The following RBM28 variants were observed in gnomAD, a reference collection of about 807,000 sequenced individuals.
RBM28 encodes RNA-binding protein 28.
In RBM28, 78 loss-of-function variants were observed where a neutral mutation model predicts 98.3. The observed-to-expected ratio is 0.79, with a 90% CI of 0.66 to 0.96. The LOEUF is 0.96. RBM28 is among the 40% of genes least tolerant of loss of function. The pLI is 0.00. For missense variants in RBM28, 838 were observed against 913.0 expected, an observed-to-expected ratio of 0.92 and a Z score of 1.06; for synonymous variants, 306 against 330.9, an observed-to-expected ratio of 0.92 and a Z score of 0.82.
In RBM28 at chr7:128,330,733, G is replaced by A. The variant is rs1196801101; in HGVS notation, c.1129+86C>T. The A allele has an allele frequency of 5.1e-6, 5 of 972,010 alleles. No individual in the cohort carries two copies. In the African/African-American group the frequency reaches 8.0e-5, roughly 16 times the overall value. The allele number at this position is 972,010 out of a possible 1,614,324, so 60.2% of individuals were successfully genotyped here. On this transcript the variant is annotated intron_variant, in intron 10 of 18. Transcript: ENST00000223073. ...GGATGGACTGTGAACCCCTCAAAATGGCACACATTATGCTCTCGTAACCTA... is the reference window on the plus strand; with the variant it reads ...GGATGGACTGTGAACCCCTCAAAATAGCACACATTATGCTCTCGTAACCTA...
At chr7:128,333,945 CT>C (rs1451680933) in intron 8 of RBM28, among the ~76,000 whole-genome samples, 1 of 152,104 alleles carries the variant, frequency 6.6e-6, no homozygotes, top group African/African-American at 2.4e-5. Context: ...TCTGGAAATA[CT>C]GTATAGGACA....
chr7:128,315,005 T>C lies in RBM28; in HGVS notation c.1804A>G (p.Lys602Glu). The change falls in exon 17 of 19, where the codon AAG becomes GAG. Residue 602 changes from lysine (K) to glutamate (E), a missense_variant. Lys to Glu is a moderately conservative substitution (Grantham distance 56). Coordinates refer to ENST00000223073, the MANE Select transcript of RBM28 (RefSeq NM_018077.3). ...TTCTGAGGCTCACCAGTTGCAGGCTTGGATCTCATTTTTTGCTGCATAAAA... is the reference window on the plus strand; with the variant it reads ...TTCTGAGGCTCACCAGTTGCAGGCTCGGATCTCATTTTTTGCTGCATAAAA... ...IQRSLQKMRSKPATGEPQKGQ... is the reference protein window; with the variant it reads ...IQRSLQKMRSEPATGEPQKGQ... 5 of 1,614,258 alleles carry C rather than the reference T, an allele frequency of 3.1e-6. No homozygotes were observed. Among genetic ancestry groups the C allele is most frequent in the African/African-American group, 1.3e-5 (1 of 75,062 alleles).
At position 128,333,368 on chromosome 7, in the gene RBM28, G is replaced by A; in HGVS notation, c.947-6C>T. On this transcript the variant is annotated splice_region_variant and splice_polypyrimidine_tract_variant and intron_variant, in intron 8 of 18. Transcript: ENST00000223073. Reference sequence around the variant, plus strand: ...TTTGTTTGAGACTTGCACAGCTAAGGTAAAAAGAAAAACAACAAACTGAAA... The same window carrying A: ...TTTGTTTGAGACTTGCACAGCTAAGATAAAAAGAAAAACAACAAACTGAAA... The A allele has an allele frequency of 2.5e-6, 4 of 1,585,536 alleles. No individual in the cohort carries two copies. Among genetic ancestry groups the A allele is most frequent in the Non-Finnish European group, 3.5e-6 (4 of 1,154,276 alleles).
chr7:128,329,998 G>A (rs1306329838), intron 10 of RBM28, among the ~76,000 whole-genome samples: 2 of 150,588 alleles, frequency 1.3e-5, no homozygotes, highest in African/African-American at 2.4e-5. Flanking sequence ...CCTAACAACA[G>A]TATACTAGAA....
At chr7:128,327,200 C>T (rs963567652) in intron 10 of RBM28, among the ~76,000 whole-genome samples, 1 of 152,110 alleles carries the variant, frequency 6.6e-6, no homozygotes, top group African/African-American at 2.4e-5. Flanking sequence ...CAGCCTAACA[C>T]TTAATTCAGC....
chr7:128,300,564 C>A lies in RBM28; in HGVS notation c.*10233G>T, dbSNP rs755302779. ...CAATGAGCATGCTAACATCATCCAA[C>A]CCCTGACCTTGTGGTGAGGATCAAA... On this transcript the variant is annotated 3_prime_UTR_variant, in exon 19 of 19. Transcript: ENST00000223073. The A allele has an allele frequency of 1.3e-5, 2 of 152,284 alleles. No homozygotes were observed. Among genetic ancestry groups the A allele is most frequent in the African/African-American group, 4.8e-5 (2 of 41,466 alleles). The allele number at this position is 152,284 out of a possible 1,614,324, so 9.4% of individuals were successfully genotyped here.
At chr7:128,337,232 G>A in intron 5 of RBM28, 30 bp from the exon 6 acceptor site, 1 of 1,612,258 alleles carries the variant, frequency 6.2e-7, no homozygotes, top group Non-Finnish European at 8.5e-7. Flanking sequence ...CATCAGAAAG[G>A]CTCTCCTTTT....
Position 128,321,315 on chromosome 7 carries a change from T to C in RBM28, c.1514A>G (p.Lys505Arg), listed in dbSNP as rs751484565. Reference sequence around the variant, plus strand: ...TCCACTAGTAGCACTCAGCAGCAGCTTTCTGAGCTGTTTGTCATCTACAGC... The same window carrying C: ...TCCACTAGTAGCACTCAGCAGCAGCCTTCTGAGCTGTTTGTCATCTACAGC... ...PKAVDDKQLR[K>R]LLLSATSGEK... The change falls in exon 14 of 19, where the codon AAG becomes AGG. Residue 505 changes from lysine (K) to arginine (R), a missense_variant. Coordinates refer to ENST00000223073, the MANE Select transcript of RBM28 (RefSeq NM_018077.3). The C allele has an allele frequency of 1.9e-6, 3 of 1,614,232 alleles. No individual in the cohort carries two copies. Among genetic ancestry groups the C allele is most frequent in the African/African-American group, 2.7e-5 (2 of 75,060 alleles).
In RBM28 at chr7:128,337,189, A is replaced by G; in HGVS notation, c.555T>C (p.Ala185=). ...NMKEIKGRTV[A]VDWAVAKDKY... is the part of the protein sequence containing the mutation. ...TATCCTTTGCCACGGCCCAATCCAC[A>G]GCCACTGTCCGGCCTGTCAAGCAGA... is the stretch of plus-strand genomic sequence containing the variant. The change falls in exon 6 of 19, where the codon GCT becomes GCC. Residue 185 remains alanine, a synonymous_variant. Coordinates refer to ENST00000223073, the MANE Select transcript of RBM28 (RefSeq NM_018077.3). 2 of 1,614,160 alleles carry G rather than the reference A, an allele frequency of 1.2e-6. No homozygotes were observed. The highest frequency in any genetic ancestry group is 1.7e-6 in the Non-Finnish European group (2 of 1,180,006).
Position 128,335,499 on chromosome 7 carries a change from A to G in RBM28, c.946+44T>C, listed in dbSNP as rs367813042. On this transcript the variant is annotated intron_variant, in intron 8 of 18. Transcript: ENST00000223073. ...TGATGCTCATTTCCGTAACTTCAGT[A>G]ACTTTTTTAAAGTCTAAAGACATTT... The G allele has an allele frequency of 2.7e-5, 44 of 1,612,342 alleles. No homozygotes were observed. The African/African-American group carries it at 5.3e-4, about 20-fold the overall frequency.
At chr7:128,323,907 T>G (rs1397341419) in intron 12 of RBM28, among the ~76,000 whole-genome samples, 1 of 152,214 alleles carries the variant, frequency 6.6e-6, no homozygotes, top group Non-Finnish European at 1.5e-5. Flanking sequence ...ATAAGTACAT[T>G]TTGGGCATTT....
intron 14 of RBM28, among the ~76,000 whole-genome samples, chr7:128,319,873 G>C (rs540894467): frequency 1.3e-5 from 2 of 152,132 alleles, no homozygotes; most frequent in South Asian, 2.1e-4. Context: ...AGGAATTTGC[G>C]ACCAGCCTGG....
At position 128,335,624 on chromosome 7, in the gene RBM28, C is replaced by G. The variant is rs1320470941; in HGVS notation, c.865G>C (p.Asp289His). The G allele has an allele frequency of 2.5e-6, 4 of 1,614,096 alleles. No homozygotes were observed. The change falls in exon 8 of 19, where the codon GAC (aspartate) becomes CAC (histidine). Residue 289 changes from aspartate to histidine, a missense_variant. Physicochemically the swap from Asp to His is moderately conservative, Grantham distance 81 (BLOSUM62 -1). Coordinates refer to ENST00000223073, the MANE Select transcript of RBM28 (RefSeq NM_018077.3). ...KSSDHSEEDS[D>H]LEESDSIDDG... ...TCAATACTATCGCTTTCCTCTAGGT[C>G]ACTGTCCTCCTCAGAATGATCACTG...
chr7:128,325,093 A>C (rs564158695), intron 11 of RBM28, among the ~76,000 whole-genome samples: 1 of 152,352 alleles, frequency 6.6e-6, no homozygotes, highest in Non-Finnish European at 1.5e-5. Flanking sequence ...CCTGACAAGA[A>C]CACCACAGAA....
intron 9 of RBM28, among the ~76,000 whole-genome samples, chr7:128,332,660 C>T (rs1249191303): frequency 1.3e-5 from 2 of 152,078 alleles, no homozygotes; most frequent in Non-Finnish European, 2.9e-5. Context: ...GAAAATAATT[C>T]TAAAAGATTG....
rs760498002 is a variant in RBM28, at chr7:128,335,945, G to GTCA, written c.708_710dup (p.Asp241dup). The GTCA allele has an allele frequency of 5.0e-6, 8 of 1,601,886 alleles. No homozygotes were observed. The highest frequency in any genetic ancestry group is 4.0e-5 in the African/African-American group (3 of 74,286). The stretch of plus-strand genomic sequence containing the variant: ...CCCCATCTTCTTCATCATCATCATC[G>GTCA]TCATCATCATCGTTTTCTTCCTCTT... On this transcript the variant is annotated inframe_insertion, in exon 7 of 19. Transcript: ENST00000223073.
At chr7:128,320,047 T>C (rs557146786) in intron 14 of RBM28, among the ~76,000 whole-genome samples, 1 of 151,538 alleles carries the variant, frequency 6.6e-6, no homozygotes, top group Non-Finnish European at 1.5e-5. Flanking sequence ...TGAAACCCCG[T>C]CTCCACTAAA....
intron 10 of RBM28, among the ~76,000 whole-genome samples, chr7:128,330,371 CTTTTTTTTTTTTT>C (rs72352301): frequency 1.2e-5 from 1 of 83,452 alleles, no homozygotes; most frequent in East Asian, 3.6e-4. Flanking sequence ...GTCCCTGGTC[CTTTTTTTTTTTTT>C]TTTTTTTTTT....
At chr7:128,343,544 T>C in intron 1 of RBM28, 132 bp downstream of exon 1, 1 of 631,608 alleles carries the variant, frequency 1.6e-6, no homozygotes, top group Non-Finnish European at 2.7e-6. Context: ...GCAGAATCAG[T>C]TTGGAAAAGA....
Sources: gnomAD v4.1 joint callset for allele counts (sites outside exome capture counted in the v4.1 genomes callset) on GRCh38, gnomAD v4.1.1 for gene constraint, MANE v1.5 for transcripts, NCBI Gene and HGNC (gene_info 2026-07-23, HGNC 2026-07-21) for gene names.